TSHZ2: variants seen among roughly 807,000 people sequenced by gnomAD.
The protein encoded by TSHZ2 is teashirt homolog 2.
In TSHZ2, 21 loss-of-function variants were observed where a neutral mutation model predicts 74.4. The observed-to-expected ratio is 0.28, with a 90% CI of 0.20 to 0.41. The LOEUF is 0.41. Among genes scored for constraint, TSHZ2 ranks in the 10% least tolerant of loss-of-function variants. The probability of loss-of-function intolerance (pLI) is 1.00; values close to 1 mark genes in which losing one functional copy is unlikely to be tolerated. For synonymous variants in TSHZ2, 540 were observed against 515.3 expected (o/e 1.05, Z -0.65); for missense variants, 1,244 against 1,293.5 (o/e 0.96, Z 0.59).
chr20:53,458,519 T>G (rs1292797287), intron 2 of TSHZ2, among the ~76,000 whole-genome samples: 1 of 152,262 alleles, frequency 6.6e-6, no homozygotes, highest in Admixed American at 6.5e-5. Context: ...AGCTCCTGGA[T>G]TCACTAGTTT....
intron 2 of TSHZ2, among the ~76,000 whole-genome samples, chr20:53,387,158 T>A (rs1356398527): frequency 6.6e-6 from 1 of 152,088 alleles, no homozygotes; most frequent in Non-Finnish European, 1.5e-5. Context: ...TTCACTAAGA[T>A]CCCAAAGCCA....
intron 1 of TSHZ2, among the ~76,000 whole-genome samples, chr20:53,020,721 A>C (rs1300827884): frequency 6.6e-6 from 1 of 152,248 alleles, no homozygotes; most frequent in Non-Finnish European, 1.5e-5. Flanking sequence ...CAAAATCCAA[A>C]GACCAGGGAT....
chr20:53,065,323 C>T (rs1984948114), intron 1 of TSHZ2, among the ~76,000 whole-genome samples: 1 of 152,022 alleles, frequency 6.6e-6, no homozygotes, highest in South Asian at 2.1e-4. Context: ...GACATGTTAC[C>T]AGATCTTTCT....
chr20:53,396,111 A>AT (rs370377170), intron 2 of TSHZ2, among the ~76,000 whole-genome samples: 4,698 of 151,866 alleles, frequency 0.031, 132 homozygotes, highest in African/African-American at 0.069. Flanking sequence ...AATTTTTTGT[A>AT]TTTTTTTAGT....
rs1030363428 is a variant in TSHZ2 at position 53,116,173 on chromosome 20, G to A, written c.41-137326G>A. 2.6e-5 allele frequency among the ~76,000 whole-genome samples: 4 copies of A among 152,228 alleles called. No individual in the cohort carries two copies. The East Asian group carries it at 7.7e-4, about 29-fold the overall frequency. Reference sequence around the variant, plus strand: ...TTAGAGATTCTGTATGCATCAATAAGCTACTGCTATTAATTGATTGCATTA... The same window carrying A: ...TTAGAGATTCTGTATGCATCAATAAACTACTGCTATTAATTGATTGCATTA... On this transcript the variant is annotated intron_variant, in intron 1 of 2. Coordinates refer to ENST00000371497, the MANE Select transcript of TSHZ2 (RefSeq NM_173485.6).
intron 1 of TSHZ2, among the ~76,000 whole-genome samples, chr20:53,146,257 G>A (rs1467142665): frequency 1.3e-5 from 2 of 152,164 alleles, no homozygotes; most frequent in Non-Finnish European, 2.9e-5. Flanking sequence ...GGGCGGATGA[G>A]TCAACACAAT....
At chr20:53,323,268 T>C (rs1979345486) in intron 2 of TSHZ2, among the ~76,000 whole-genome samples, 1 of 152,168 alleles carries the variant, frequency 6.6e-6, no homozygotes, top group Non-Finnish European at 1.5e-5. Context: ...GGCACACATC[T>C]GCCAAAACAG....
intron 1 of TSHZ2, among the ~76,000 whole-genome samples, chr20:53,137,272 C>T (rs1987268199): frequency 6.7e-6 from 1 of 149,168 alleles, no homozygotes; most frequent in African/African-American, 2.5e-5. Context: ...GCTGGGCAGA[C>T]AGATGGATAA....
chr20:53,457,755 G>T (rs1450775977), intron 2 of TSHZ2, among the ~76,000 whole-genome samples: 1 of 151,686 alleles, frequency 6.6e-6, no homozygotes, highest in Non-Finnish European at 1.5e-5. Flanking sequence ...TTTATTGAGA[G>T]TTTTTAGCAT....
rs1057501975 is a variant in TSHZ2 at position 53,051,057 on chromosome 20, A to G, written c.40+77724A>G. Among the ~76,000 whole-genome samples, 2 of 152,292 alleles carry G rather than the reference A, an allele frequency of 1.3e-5. 1 individual carries two copies. Among genetic ancestry groups the G allele is most frequent in the East Asian group, 3.9e-4 (2 of 5,178 alleles). ...ACTCCTTATTCAAGAAGCATATTGT[A>G]GCTGGGCATGGTGGCTGACTCCTGT... On this transcript the variant is annotated intron_variant, in intron 1 of 2. Coordinates refer to ENST00000371497, the MANE Select transcript of TSHZ2 (RefSeq NM_173485.6).
At chr20:53,068,814 T>A (rs528776962) in intron 1 of TSHZ2, among the ~76,000 whole-genome samples, 3 of 152,266 alleles carry the variant, frequency 2.0e-5, no homozygotes, top group Non-Finnish European at 4.4e-5. Context: ...CTCTTTGGAT[T>A]TTAGCACGCT....
At chr20:53,240,359 C>T (rs1479609055) in intron 1 of TSHZ2, among the ~76,000 whole-genome samples, 1 of 152,106 alleles carries the variant, frequency 6.6e-6, no homozygotes, top group Non-Finnish European at 1.5e-5. Context: ...GGGAAGCAAC[C>T]ATAGTGTCTC....
chr20:52,990,498 G>C (rs1392485727), intron 1 of TSHZ2, among the ~76,000 whole-genome samples: 1 of 152,146 alleles, frequency 6.6e-6, no homozygotes, highest in Non-Finnish European at 1.5e-5. Context: ...AGAAAAGCAT[G>C]AACAACAGAA....
At chr20:53,024,525 T>C (rs1983364743) in intron 1 of TSHZ2, among the ~76,000 whole-genome samples, 2 of 152,082 alleles carry the variant, frequency 1.3e-5, no homozygotes, top group South Asian at 4.1e-4. Context: ...CTTTAAGATC[T>C]GCAGTACATG....
At chr20:53,257,705 C>G (rs574780277) in intron 2 of TSHZ2, among the ~76,000 whole-genome samples, 274 of 152,336 alleles carry the variant, frequency 1.8e-3, no homozygotes, top group African/African-American at 6.2e-3. Flanking sequence ...CCACCTTCGG[C>G]CATTCCCCAA....
At position 53,158,680 on chromosome 20, in the gene TSHZ2, G is replaced by A. The variant is rs188529933; in HGVS notation, c.41-94819G>A. On this transcript the variant is annotated intron_variant, in intron 1 of 2. Coordinates refer to ENST00000371497, the MANE Select transcript of TSHZ2 (RefSeq NM_173485.6). ...CTGCCTCATTGCCTGTCAGAGTGTC[G>A]GGCCCTGGAACGCTCCAGCTGTGAT... 2.0e-5 allele frequency among the ~76,000 whole-genome samples: 3 copies of A among 151,902 alleles called. No homozygotes were observed. In the East Asian group the frequency reaches 5.8e-4, roughly 29 times the overall value.
intron 2 of TSHZ2, among the ~76,000 whole-genome samples, chr20:53,366,520 C>T (rs1331421055): frequency 6.6e-6 from 1 of 152,202 alleles, no homozygotes; most frequent in Non-Finnish European, 1.5e-5. Flanking sequence ...TCTAACACCA[C>T]CTCTGCCTCT....
At chr20:53,213,199 A>T (rs1370879647) in intron 1 of TSHZ2, among the ~76,000 whole-genome samples, 1 of 152,218 alleles carries the variant, frequency 6.6e-6, no homozygotes, top group Non-Finnish European at 1.5e-5. Flanking sequence ...AATAGCTACA[A>T]ATCTAGCTAC....
At chr20:53,365,746 C>T (rs1391913301) in intron 2 of TSHZ2, among the ~76,000 whole-genome samples, 2 of 152,194 alleles carry the variant, frequency 1.3e-5, no homozygotes, top group African/African-American at 4.8e-5. Context: ...CAAATCCACC[C>T]ATCTCACTAC....
Sources: allele counts gnomAD v4.1 joint callset (sites outside exome capture counted in the v4.1 genomes callset), GRCh38; gene constraint gnomAD v4.1.1; transcripts MANE v1.5; gene names NCBI Gene and HGNC (gene_info 2026-07-23, HGNC 2026-07-21).